The following ARSH variants were observed in gnomAD, a reference collection of about 807,000 sequenced individuals.
ARSH encodes arylsulfatase family member H.
A neutral mutation model predicts 28.7 loss-of-function variants in ARSH; 32 were observed. The observed-to-expected ratio is 1.11, with a 90% confidence interval of 0.84 to 1.50. The LOEUF (loss-of-function observed/expected upper bound fraction) is 1.50. Among genes scored for constraint, ARSH ranks in the 40% most tolerant of loss-of-function variants. ARSH has a pLI of 0.00. For missense variants in ARSH, 440 were observed against 452.4 expected, an observed-to-expected ratio of 0.97 and a Z score of 0.25; for synonymous variants, 176 against 177.3, an observed-to-expected ratio of 0.99 and a Z score of 0.06.
intron 8 of ARSH, among the ~76,000 whole-genome samples, chrX:3,030,120 G>A (rs930137733): frequency 9.0e-6 from 1 of 110,561 alleles, no homozygotes; most frequent in Admixed American, 9.7e-5. Flanking sequence ...AAGGGGATAT[G>A]CCCTACCACA....
Position 3,033,563 on chromosome X carries a change from A to G in ARSH, c.*178A>G. On this transcript the variant is annotated 3_prime_UTR_variant, in exon 9 of 9. Transcript: ENST00000381130. ...TGAAATTAAAGTGGGCCCATATAAC[A>G]GTGAACCTGGAGGGGAGCATTTGTT... The G allele has an allele frequency of 2.2e-6, 1 of 449,394 alleles. No individual in the cohort carries two copies. Among genetic ancestry groups the G allele is most frequent in the Non-Finnish European group, 3.5e-6 (1 of 283,630 alleles). 37.0% of individuals were successfully genotyped at this position (449,394 alleles called of 1,213,427 possible). A position where few individuals can be genotyped will look rare whatever the true frequency, so the allele number is the denominator to read the frequency against.
rs1223193641 is a variant in ARSH, at chrX:3,033,878, C to T, written c.*493C>T. Among the ~76,000 whole-genome samples the T allele has an allele frequency of 9.0e-6, 1 of 111,434 alleles. No homozygotes were observed. The highest frequency in any genetic ancestry group is 3.3e-5 in the African/African-American group (1 of 30,666). ...TTGATTTTCTCTCTTTCCTTCTTTT[C>T]TCTTCCTGTCCGATACGCATCTGGT... On this transcript the variant is annotated 3_prime_UTR_variant, in exon 9 of 9. Transcript: ENST00000381130.
At chrX:3,008,304 A>G (rs969273846) in intron 1 of ARSH, among the ~76,000 whole-genome samples, 9 of 111,512 alleles carry the variant, frequency 8.1e-5, no homozygotes, top group African/African-American at 2.3e-4. Flanking sequence ...CTATCGATAG[A>G]CCAATCTGGC....
rs61995728 is a variant in ARSH at position 3,015,270 on chromosome X, G to A, written c.641G>A (p.Ser214Asn). The part of the protein sequence containing the change: ...AFLFFTSWYS[S>N]YGFTRRWNCI... ...CTGTTTTTCACTTCCTGGTACTCTA[G>A]TTATGGATTTACTCGACGTTGGAAT... Residue 214 changes from serine (S) to asparagine (N), a missense_variant, in exon 4 of 9, where the codon AGT becomes AAT. Transcript: ENST00000381130. The A allele has an allele frequency of 6.8e-3, 8,231 of 1,209,268 alleles. 330 individuals carry two copies. In the African/African-American group the frequency reaches 0.12, roughly 18 times the overall value.
chrX:3,023,457 CAT>C (rs1234874611), intron 5 of ARSH, among the ~76,000 whole-genome samples: 54 of 105,587 alleles, frequency 5.1e-4, no homozygotes, highest in African/African-American at 1.6e-3. Flanking sequence ...ATAATAGTTA[CAT>C]GTTATTATAT....
Position 3,013,189 on chromosome X carries a change from C to G in ARSH, c.340+17C>G. 1.7e-6 allele frequency: 2 copies of G among 1,197,392 alleles called. No individual in the cohort carries two copies. The highest frequency in any genetic ancestry group is 2.3e-6 in the Non-Finnish European group (2 of 888,379). On this transcript the variant is annotated intron_variant, in intron 3 of 8. Transcript: ENST00000381130. ...GACTCATAGGTATGGCGCCGGAACTCTGCCCGTGGAAACGTGATCCTGCAG... is the reference window on the plus strand; with the variant it reads ...GACTCATAGGTATGGCGCCGGAACTGTGCCCGTGGAAACGTGATCCTGCAG...
chrX:3,009,942 T>C, intron 1 of ARSH, 88 bp from the exon 2 acceptor site: 1 of 1,091,511 alleles, frequency 9.2e-7, no homozygotes, highest in South Asian at 2.2e-5. Context: ...TAGAGTCAAC[T>C]TGACCCAAAA....
chrX:3,007,629 T>C (rs2089831857), intron 1 of ARSH, among the ~76,000 whole-genome samples: 2 of 110,228 alleles, frequency 1.8e-5, no homozygotes, highest in Non-Finnish European at 3.8e-5. Flanking sequence ...TCTCCCTGTG[T>C]CTTCACAGGG....
At position 3,010,104 on chromosome X, in the gene ARSH, C is replaced by T; in HGVS notation, c.167C>T (p.Thr56Ile). ...TQHLAAASMC[T>I]PSRAAFLTGR... is the part of the protein sequence containing the mutation. ...CATCTCGCAGCTGCTTCCATGTGCA[C>T]CCCAAGTCGGGCTGCCTTCCTGACC... Residue 56 changes from threonine to isoleucine, a missense_variant, in exon 2 of 9, where the codon ACC becomes ATC. Thr to Ile is a moderately conservative substitution (Grantham distance 89). Transcript: ENST00000381130. 4.1e-6 allele frequency: 5 copies of T among 1,211,475 alleles called. No individual in the cohort carries two copies. The highest frequency in any genetic ancestry group is 5.6e-6 in the Non-Finnish European group (5 of 895,238).
chrX:3,027,523 TA>T lies in ARSH; in HGVS notation c.1199+50del. ...TAACCTAGGGTGATATATTTGAACA[TA>T]AGTGGATATACTTGATAATTCTATG... On this transcript the variant is annotated intron_variant, in intron 7 of 8. Coordinates refer to ENST00000381130, the MANE Select transcript of ARSH (RefSeq NM_001011719.2). 3.6e-6 allele frequency: 4 copies of T among 1,112,829 alleles called. No homozygotes were observed. In the South Asian group the frequency reaches 7.9e-5, roughly 22 times the overall value. 91.7% of individuals were successfully genotyped at this position (1,112,829 alleles called of 1,213,427 possible). A position where few individuals can be genotyped will look rare whatever the true frequency, so the allele number is the denominator to read the frequency against.
rs1276385453 is a variant in ARSH, at chrX:3,015,362, A to G, written c.733A>G (p.Met245Val). Residue 245 changes from methionine to valine, a missense_variant, in exon 4 of 9, where the codon ATG becomes GTG. By Grantham distance (21) the Met-to-Val change is conservative. Coordinates refer to ENST00000381130, the MANE Select transcript of ARSH (RefSeq NM_001011719.2). Reference protein sequence around the residue: ...PMKEEKVASLMLKEALAFIER... With the variant: ...PMKEEKVASLVLKEALAFIER... ...GAAAGAGGAGAAAGTAGCTTCCCTC[A>G]TGCTGAAGGAGGCACTTGCTTTCAT... 8.3e-7 allele frequency: 1 copy of G among 1,209,745 alleles called. No homozygotes were observed. The highest frequency in any genetic ancestry group is 1.1e-6 in the Non-Finnish European group (1 of 895,092).
At chrX:3,012,962 G>A (rs2089854995) in intron 2 of ARSH, 85 bp from the exon 3 acceptor site, 1 of 1,093,821 alleles carries the variant, frequency 9.1e-7, no homozygotes, top group Non-Finnish European at 1.2e-6. Flanking sequence ...GAGGAGGTGC[G>A]GGAGGAGAGG....
chrX:3,007,614 C>T (rs1243788954), intron 1 of ARSH, among the ~76,000 whole-genome samples: 6 of 110,232 alleles, frequency 5.4e-5, no homozygotes, highest in Non-Finnish European at 5.7e-5. Context: ...TTGTAGATGC[C>T]GTCTTCTCCC....
chrX:3,033,615 G>A lies in ARSH; in HGVS notation c.*230G>A, dbSNP rs1164707334. 1.1e-5 allele frequency: 3 copies of A among 273,257 alleles called. No individual in the cohort carries two copies. Among genetic ancestry groups the A allele is most frequent in the Non-Finnish European group, 1.9e-5 (3 of 157,560 alleles). 22.5% of individuals were successfully genotyped at this position (273,257 alleles called of 1,213,427 possible). ...TATAATTTTTTTCTAGTATATAATT[G>A]TGCCATTGCCCAAGGAAAAGAGCAA... On this transcript the variant is annotated 3_prime_UTR_variant, in exon 9 of 9. Transcript: ENST00000381130.
In ARSH at chrX:3,032,901, T is replaced by C. The variant is rs754126169; in HGVS notation, c.1322-117T>C. On this transcript the variant is annotated intron_variant, in intron 8 of 8. Coordinates refer to ENST00000381130, the MANE Select transcript of ARSH (RefSeq NM_001011719.2). ...AAATGCTACTGTTGCTGTGTAATGC[T>C]GTGCAGAAGAGTATTATCAATCACT... The C allele has an allele frequency of 3.2e-5, 23 of 728,158 alleles. No individual in the cohort carries two copies. The African/African-American group carries it at 3.6e-4, about 12-fold the overall frequency. 60.0% of individuals were successfully genotyped at this position (728,158 alleles called of 1,213,427 possible).
rs2089891584 is a variant in ARSH at position 3,023,961 on chromosome X, A to G, written c.902-60A>G. 11 of 1,177,993 alleles carry G rather than the reference A, an allele frequency of 9.3e-6. No homozygotes were observed. The Admixed American group carries it at 2.4e-4, about 26-fold the overall frequency. ...ATAAATACATAGTAGCAGATATGTA[A>G]TAAAGCAGTGGTGATCTGCATCAAG... On this transcript the variant is annotated intron_variant, in intron 5 of 8. Coordinates refer to ENST00000381130, the MANE Select transcript of ARSH (RefSeq NM_001011719.2).
chrX:3,018,431 C>T lies in ARSH; in HGVS notation c.765-103C>T, dbSNP rs12389115. On this transcript the variant is annotated intron_variant, in intron 4 of 8. Transcript: ENST00000381130. Reference sequence around the variant, plus strand: ...TCATCTAAAGTACATAGAAAACCTCCGCCAGCTATTATGAGATCTTTTCAT... The same window carrying T: ...TCATCTAAAGTACATAGAAAACCTCTGCCAGCTATTATGAGATCTTTTCAT... 2.7e-3 allele frequency: 2,363 copies of T among 870,340 alleles called. 34 individuals carry two copies. The African/African-American group carries it at 0.042, about 16-fold the overall frequency. The allele number at this position is 870,340 out of a possible 1,213,427, so 71.7% of individuals were successfully genotyped here.
chrX:3,006,721 A>C lies in ARSH; in HGVS notation c.92+17A>C. Reference sequence around the variant, plus strand: ...CTCAGTGAGGTAAAGATGGACTCTGACCCCCTCCCTGTATGTGGGAGTCTC... The same window carrying C: ...CTCAGTGAGGTAAAGATGGACTCTGCCCCCCTCCCTGTATGTGGGAGTCTC... On this transcript the variant is annotated intron_variant, in intron 1 of 8. Coordinates refer to ENST00000381130, the MANE Select transcript of ARSH (RefSeq NM_001011719.2). 8.6e-7 allele frequency: 1 copy of C among 1,159,747 alleles called. No individual in the cohort carries two copies. The highest frequency in any genetic ancestry group is 1.2e-6 in the Non-Finnish European group (1 of 854,692).
chrX:3,015,059 C>T lies in ARSH; in HGVS notation c.430C>T (p.Pro144Ser). 8.3e-7 allele frequency: 1 copy of T among 1,210,826 alleles called. No individual in the cohort carries two copies. The highest frequency in any genetic ancestry group is 1.7e-5 in the African/African-American group (1 of 57,659). The part of the protein sequence containing the change: ...NHGFHYFYGV[P>S]FGLLSDCQAS... ...TGGTTTTCACTACTTTTACGGGGTG[C>T]CTTTTGGACTTTTAAGCGACTGCCA... The change falls in exon 4 of 9, where the codon CCT becomes TCT. Residue 144 changes from proline to serine, a missense_variant. Physicochemically the swap from Pro to Ser is moderately conservative, Grantham distance 74. Transcript: ENST00000381130.
Sources: gnomAD v4.1 joint callset for allele counts (sites outside exome capture counted in the v4.1 genomes callset) on GRCh38, gnomAD v4.1.1 for gene constraint, MANE v1.5 for transcripts, NCBI Gene and HGNC (gene_info 2026-07-23, HGNC 2026-07-21) for gene names.